PDE3B: variants seen among roughly 807,000 people sequenced by gnomAD.
The protein encoded by PDE3B is cGMP-inhibited 3',5'-cyclic phosphodiesterase 3B.
A neutral mutation model predicts 116.8 loss-of-function variants in PDE3B; 66 were observed. The ratio of observed to expected loss-of-function variants is 0.56; its 90% confidence interval spans 0.46 to 0.69. The LOEUF (loss-of-function observed/expected upper bound fraction) is 0.69, where lower values mean the gene tolerates loss of function less well. Among genes scored for constraint, PDE3B ranks in the 30% least tolerant of loss-of-function variants. PDE3B has a pLI of 0.00. For missense variants in PDE3B, 1,384 were observed against 1,368.1 expected (o/e 1.01, Z -0.18); for synonymous variants, 595 against 533.6 (o/e 1.12, Z -1.59).
intron 1 of PDE3B, among the ~76,000 whole-genome samples, chr11:14,728,161 G>A (rs989946075): frequency 6.6e-6 from 1 of 151,844 alleles, no homozygotes; most frequent in Non-Finnish European, 1.5e-5. Context: ...TTAAATTTTG[G>A]GGTTATTTTA....
downstream of PDE3B, among the ~76,000 whole-genome samples, chr11:14,873,537 A>G (rs561731445): frequency 3.3e-5 from 5 of 152,316 alleles, no homozygotes; most frequent in South Asian, 1.0e-3. Context: ...ACAGCTGTCA[A>G]TATCATTCAC....
At chr11:14,772,811 A>G (rs898391910) in intron 2 of PDE3B, 3 of 151,968 alleles carry the variant, frequency 2.0e-5, no homozygotes, top group South Asian at 2.1e-4. Context: ...TTTGATGTCT[A>G]TCTTTATTGA....
intron 1 of PDE3B, among the ~76,000 whole-genome samples, chr11:14,754,391 T>C (rs535582618): frequency 6.6e-6 from 1 of 152,292 alleles, no homozygotes; most frequent in South Asian, 2.1e-4. Context: ...GATCAATCTC[T>C]AGAGTAATAT....
chr11:14,858,617 C>T (rs778431832), intron 12 of PDE3B, among the ~76,000 whole-genome samples: 1 of 152,174 alleles, frequency 6.6e-6, no homozygotes, highest in Non-Finnish European at 1.5e-5. Flanking sequence ...TCACCATCAC[C>T]ATTGACTCCA....
chr11:14,729,495 C>G (rs757971791), intron 1 of PDE3B, among the ~76,000 whole-genome samples: 2 of 152,154 alleles, frequency 1.3e-5, no homozygotes, highest in Non-Finnish European at 2.9e-5. Context: ...CCACTGCCAC[C>G]TTTGTTTACT....
intron 1 of PDE3B, among the ~76,000 whole-genome samples, chr11:14,645,800 A>G (rs1308103674): frequency 6.6e-6 from 1 of 152,132 alleles, no homozygotes; most frequent in African/African-American, 2.4e-5. Context: ...GATTGAAATC[A>G]TTAGCAAATG....
intron 1 of PDE3B, among the ~76,000 whole-genome samples, chr11:14,756,435 C>T (rs1033846708): frequency 1.3e-5 from 2 of 152,152 alleles, no homozygotes; most frequent in Non-Finnish European, 2.9e-5. Flanking sequence ...GGAGCTGTGG[C>T]TTTTGGTGGA....
At chr11:14,767,307 C>G (rs1857523277) in intron 1 of PDE3B, among the ~76,000 whole-genome samples, 1 of 151,468 alleles carries the variant, frequency 6.6e-6, no homozygotes, top group Admixed American at 6.6e-5. Context: ...AATTACCAGT[C>G]AGAAAGAAAT....
At chr11:14,898,156 G>A in the PDE3B span, among the ~76,000 whole-genome samples, 1 of 151,942 alleles carries the variant, frequency 6.6e-6, no homozygotes, top group Non-Finnish European at 1.5e-5. Context: ...GTAGGCTCCA[G>A]CAGAAGATGT....
rs1857910808 is a variant in PDE3B, at chr11:14,779,637, C to T, written c.1030-6800C>T. 3.9e-5 allele frequency among the ~76,000 whole-genome samples: 6 copies of T among 152,240 alleles called. No homozygotes were observed. The South Asian group carries it at 1.2e-3, about 32-fold the overall frequency. On this transcript the variant is annotated intron_variant, in intron 2 of 15. Coordinates refer to ENST00000282096, the MANE Select transcript of PDE3B (RefSeq NM_000922.4). ...AAATGCTGAGAGATTTTGTCACCAC[C>T]AGGCCTGCCTTACAAGAGCTCCTGA...
downstream of PDE3B, among the ~76,000 whole-genome samples, chr11:14,874,459 TACA>T (rs1848171777): frequency 1.3e-5 from 2 of 152,128 alleles, no homozygotes; most frequent in African/African-American, 4.8e-5. Flanking sequence ...TTATTTTAAT[TACA>T]ACATTTAAGA....
chr11:14,891,869 GA>G, the PDE3B span: 1 of 1,414,164 alleles, frequency 7.1e-7, no homozygotes, highest in African/African-American at 1.5e-5. Context: ...CCGGCACACG[GA>G]GAGGTCCCGA....
At chr11:14,845,088 C>G (rs929778244) in intron 12 of PDE3B, among the ~76,000 whole-genome samples, 15 of 152,044 alleles carry the variant, frequency 9.9e-5, no homozygotes, top group Non-Finnish European at 1.6e-4. Context: ...GAGGCACCCC[C>G]TAGTAGGGGC....
chr11:14,784,056 C>T (rs750194728), intron 2 of PDE3B, among the ~76,000 whole-genome samples: 15 of 152,138 alleles, frequency 9.9e-5, no homozygotes, highest in Admixed American at 2.6e-4. Context: ...TGGGGTTGTA[C>T]GCTCCTTATG....
the PDE3B span, chr11:14,887,638 T>C: frequency 1.0e-6 from 1 of 985,218 alleles, no homozygotes; most frequent in East Asian, 1.1e-4. Flanking sequence ...GCCTTCTAGA[T>C]CACTCCATGA....
At chr11:14,725,483 C>T (rs1266846828) in intron 1 of PDE3B, among the ~76,000 whole-genome samples, 1 of 83,934 alleles carries the variant, frequency 1.2e-5, no homozygotes, top group African/African-American at 4.9e-5. Flanking sequence ...CCCCCTTTCC[C>T]TTTCCCTCCC....
chr11:14,770,027 T>C (rs921783057), intron 1 of PDE3B, among the ~76,000 whole-genome samples: 1 of 151,440 alleles, frequency 6.6e-6, no homozygotes, highest in African/African-American at 2.4e-5. Flanking sequence ...AGAAATCAAC[T>C]TCTACTTAGA....
At chr11:14,761,788 A>G (rs1167650713) in intron 1 of PDE3B, among the ~76,000 whole-genome samples, 1 of 152,152 alleles carries the variant, frequency 6.6e-6, no homozygotes, top group Non-Finnish European at 1.5e-5. Context: ...CTAATGCCTA[A>G]CAGTGTCAAA....
At chr11:14,849,787 G>A (rs1256014864) in intron 12 of PDE3B, among the ~76,000 whole-genome samples, 2 of 152,106 alleles carry the variant, frequency 1.3e-5, no homozygotes, top group African/African-American at 4.8e-5. Context: ...ACCACAGTGA[G>A]ATACCATCTC....
Sources: allele counts gnomAD v4.1 joint callset (sites outside exome capture counted in the v4.1 genomes callset), GRCh38; gene constraint gnomAD v4.1.1; transcripts MANE v1.5; gene names NCBI Gene and HGNC (gene_info 2026-07-23, HGNC 2026-07-21).